The following SYT17 variants were observed in gnomAD, a reference collection of about 807,000 sequenced individuals.
SYT17 encodes the protein synaptotagmin 17, also known as synaptotagmin-17.
A neutral mutation model predicts 46.7 loss-of-function variants in SYT17; 22 were observed. That is an observed-to-expected ratio of 0.47 (90% CI 0.34 to 0.67). The LOEUF is 0.67. SYT17 is among the 30% of genes least tolerant of loss of function. The pLI, the probability that SYT17 is intolerant of heterozygous loss-of-function variation, is 0.01. For synonymous variants in SYT17, 251 were observed against 248.4 expected, an observed-to-expected ratio of 1.01 and a Z score of -0.10; for missense variants, 519 against 612.8, an observed-to-expected ratio of 0.85 and a Z score of 1.62.
At chr16:19,254,501 C>G (rs963435321) in intron 7 of SYT17, among the ~76,000 whole-genome samples, 3 of 152,066 alleles carry the variant, frequency 2.0e-5, no homozygotes, top group African/African-American at 4.8e-5. Context: ...ATTTATTATC[C>G]CCTAAAGACA....
intron 7 of SYT17, among the ~76,000 whole-genome samples, chr16:19,247,536 G>A (rs1419954529): frequency 6.6e-6 from 1 of 152,180 alleles, no homozygotes; most frequent in Non-Finnish European, 1.5e-5. Context: ...CCAGCCAGTG[G>A]CACAATTTTT....
chr16:19,175,388 T>G (rs1964273118), intron 3 of SYT17, among the ~76,000 whole-genome samples: 1 of 151,796 alleles, frequency 6.6e-6, no homozygotes, highest in African/African-American at 2.4e-5. Flanking sequence ...GTGCCGTGGC[T>G]CTCATCTGTA....
Position 19,168,724 on chromosome 16 carries a change from T to G in SYT17, c.15+63T>G. On this transcript the variant is annotated intron_variant, in intron 1 of 7. Coordinates refer to ENST00000355377, the MANE Select transcript of SYT17 (RefSeq NM_016524.4). This position sits in a 1 kb window ranked among gnomAD's most constrained non-coding sequence, Gnocchi z 6.9. The stretch of plus-strand genomic sequence containing the variant: ...TAGGGGGTGCCGCGCCCCCTCCGGC[T>G]GGGAGCGCGCGGAAGGGAGGGCCCA... The G allele has an allele frequency of 9.2e-6, 13 of 1,417,606 alleles. No individual in the cohort carries two copies. The highest frequency in any genetic ancestry group is 1.1e-5 in the Non-Finnish European group (12 of 1,082,216). 87.8% of individuals were successfully genotyped at this position (1,417,606 alleles called of 1,614,324 possible).
intron 7 of SYT17, among the ~76,000 whole-genome samples, chr16:19,257,812 G>T (rs894195265): frequency 2.6e-5 from 4 of 152,164 alleles, no homozygotes; most frequent in Non-Finnish European, 4.4e-5. Context: ...TAATCTGGGG[G>T]TGTCCCTGCA....
chr16:19,201,435 C>T (rs1179482455), intron 5 of SYT17, among the ~76,000 whole-genome samples: 1 of 152,118 alleles, frequency 6.6e-6, no homozygotes, highest in Non-Finnish European at 1.5e-5. Context: ...CAATGACCAC[C>T]AGCTGACTCC....
At chr16:19,232,573 C>G (rs1596991854) in intron 7 of SYT17, among the ~76,000 whole-genome samples, 1 of 152,110 alleles carries the variant, frequency 6.6e-6, no homozygotes, top group African/African-American at 2.4e-5. Flanking sequence ...GCTCACACCT[C>G]TAATCCCAGC....
At chr16:19,225,138 A>C (rs1478195903) in intron 7 of SYT17, among the ~76,000 whole-genome samples, 1 of 152,208 alleles carries the variant, frequency 6.6e-6, no homozygotes, top group Non-Finnish European at 1.5e-5. Flanking sequence ...AAATGTGAAC[A>C]ATAATAGTAC....
rs954915613 is a variant in SYT17 at position 19,267,784 on chromosome 16, G to A, written c.*708G>A. On this transcript the variant is annotated 3_prime_UTR_variant, in exon 8 of 8. Coordinates refer to ENST00000355377, the MANE Select transcript of SYT17 (RefSeq NM_016524.4). Reference sequence around the variant, plus strand: ...ATGTCCTCGTGCATGTGCCCTCACAGGCGAACACGTGTGTGCCTATGTGTC... The same window carrying A: ...ATGTCCTCGTGCATGTGCCCTCACAAGCGAACACGTGTGTGCCTATGTGTC... The A allele has an allele frequency of 8.5e-5, 13 of 152,222 alleles. No homozygotes were observed. Among genetic ancestry groups the A allele is most frequent in the African/African-American group, 3.1e-4 (13 of 41,448 alleles). 9.4% of individuals were successfully genotyped at this position (152,222 alleles called of 1,614,324 possible).
At chr16:19,171,277 T>A (rs1002451067) in intron 1 of SYT17, 1 of 146,850 alleles carries the variant, frequency 6.8e-6, no homozygotes, top group Non-Finnish European at 1.5e-5. Flanking sequence ...ACAAGCCACG[T>A]ACCACCTATA....
At chr16:19,182,578 C>A (rs1964601311) in intron 4 of SYT17, among the ~76,000 whole-genome samples, 1 of 152,206 alleles carries the variant, frequency 6.6e-6, no homozygotes, top group Non-Finnish European at 1.5e-5. Context: ...TCATGCCCAG[C>A]TCTGAACACA....
intron 3 of SYT17, among the ~76,000 whole-genome samples, chr16:19,178,786 C>G (rs1964426660): frequency 6.6e-6 from 1 of 152,160 alleles, no homozygotes; most frequent in Admixed American, 6.5e-5. Context: ...TTATTAGCAG[C>G]ATCAGTCTCA....
intron 5 of SYT17, among the ~76,000 whole-genome samples, chr16:19,206,464 T>C (rs900679712): frequency 1.4e-4 from 21 of 152,268 alleles, no homozygotes; most frequent in African/African-American, 4.6e-4. Flanking sequence ...CTGTAACTCT[T>C]TGTCTTTTGT....
At chr16:19,238,691 G>C (rs1966885038) in intron 7 of SYT17, among the ~76,000 whole-genome samples, 2 of 152,238 alleles carry the variant, frequency 1.3e-5, no homozygotes, top group South Asian at 2.1e-4. Flanking sequence ...CCATGGGGGA[G>C]AGCATCGGGG....
At chr16:19,259,631 C>T (rs546442305) in intron 7 of SYT17, among the ~76,000 whole-genome samples, 1 of 151,796 alleles carries the variant, frequency 6.6e-6, no homozygotes, top group Admixed American at 6.5e-5. Context: ...AGAGAAAGCC[C>T]TCTTCATGGA....
intron 1 of SYT17, among the ~76,000 whole-genome samples, chr16:19,169,466 C>A (rs1963999763): frequency 6.6e-6 from 1 of 152,196 alleles, no homozygotes; most frequent in African/African-American, 2.4e-5. Context: ...CTGGCGCTGG[C>A]GCCTCTGAGC....
At position 19,183,819 on chromosome 16, in the gene SYT17, C is replaced by T; in HGVS notation, c.623C>T (p.Ala208Val). ...CACCTCACCGTGCGCGTGATCGAGG[C>T]CAGGGACCTGCCACCTCCCATCTCC... The part of the protein sequence containing the change: ...HNHLTVRVIE[A>V]RDLPPPISHD... The change falls in exon 5 of 8, where the codon GCC becomes GTC. Residue 208 changes from alanine to valine, a missense_variant. Coordinates refer to ENST00000355377, the MANE Select transcript of SYT17 (RefSeq NM_016524.4). The surrounding 1 kb of genome is among the most constrained non-coding windows in gnomAD (Gnocchi z 5.6). 6.2e-7 allele frequency: 1 copy of T among 1,614,190 alleles called. No individual in the cohort carries two copies. The highest frequency in any genetic ancestry group is 1.3e-5 in the African/African-American group (1 of 75,054).
chr16:19,262,606 C>G (rs1466866179), intron 7 of SYT17, among the ~76,000 whole-genome samples: 1 of 144,302 alleles, frequency 6.9e-6, no homozygotes, highest in Non-Finnish European at 1.5e-5. Flanking sequence ...GTGCCTAATT[C>G]TCCTTGCAAG....
intron 5 of SYT17, among the ~76,000 whole-genome samples, chr16:19,184,854 G>A (rs1964719467): frequency 6.6e-6 from 1 of 152,168 alleles, no homozygotes. Context: ...TGGAAAACAG[G>A]ATGATGCATG....
intron 7 of SYT17, among the ~76,000 whole-genome samples, chr16:19,237,446 C>T (rs1473913006): frequency 2.6e-5 from 4 of 152,130 alleles, no homozygotes; most frequent in African/African-American, 7.2e-5. Flanking sequence ...CCATAAGACA[C>T]ACCCAACAGT....
Sources: gnomAD v4.1 joint callset for allele counts (sites outside exome capture counted in the v4.1 genomes callset) on GRCh38, gnomAD v4.1.1 for gene constraint, Gnocchi (gnomAD v3.1) non-coding constraint, MANE v1.5 for transcripts, NCBI Gene and HGNC (gene_info 2026-07-23, HGNC 2026-07-21) for gene names.